Variants in ATXN7L1 observed in about 807,000 individuals in gnomAD.
The protein encoded by ATXN7L1 is ataxin-7-like protein 1.
A neutral mutation model predicts 70.8 loss-of-function variants in ATXN7L1; 15 were observed. That is an observed-to-expected ratio of 0.21 (90% CI 0.14 to 0.33). The LOEUF is 0.33. Among genes scored for constraint, ATXN7L1 ranks in the 10% least tolerant of loss-of-function variants. ATXN7L1 has a pLI of 1.00. For synonymous variants in ATXN7L1, 440 were observed against 445.1 expected (o/e 0.99, Z 0.14); for missense variants, 975 against 1,097.1 (o/e 0.89, Z 1.57).
chr7:105,636,454 C>G (rs1188156162), intron 7 of ATXN7L1, among the ~76,000 whole-genome samples: 2 of 150,624 alleles, frequency 1.3e-5, no homozygotes, highest in African/African-American at 2.4e-5. Flanking sequence ...TCTGCCCCCC[C>G]CACCCCCACT....
intron 3 of ATXN7L1, among the ~76,000 whole-genome samples, chr7:105,750,354 G>A (rs1323449624): frequency 6.6e-6 from 1 of 150,922 alleles, no homozygotes; most frequent in Non-Finnish European, 1.5e-5. Flanking sequence ...TCAGCTCACT[G>A]CAGCCTTGAC....
At chr7:105,658,523 C>CTTT (rs36163594) in intron 4 of ATXN7L1, among the ~76,000 whole-genome samples, 22 of 107,384 alleles carry the variant, frequency 2.0e-4, no homozygotes, top group East Asian at 3.0e-4. Context: ...TGGCACATAA[C>CTTT]TTTTTTTTTT....
rs577530574 is a variant in ATXN7L1, at chr7:105,751,647, A to G, written c.355+36957T>C. Among the ~76,000 whole-genome samples, 3 of 152,314 alleles carry G rather than the reference A, an allele frequency of 2.0e-5. No homozygotes were observed. In the South Asian group the frequency reaches 6.2e-4, roughly 32 times the overall value. On this transcript the variant is annotated intron_variant, in intron 3 of 11. Transcript: ENST00000419735. Reference sequence around the variant, plus strand: ...TGAGATCCTGTCTCAAAGAAAAAAAAAAAGTCTCACCTTCAGATTGGTCAT... The same window carrying G: ...TGAGATCCTGTCTCAAAGAAAAAAAGAAAGTCTCACCTTCAGATTGGTCAT...
chr7:105,835,503 G>A (rs1421622738), intron 2 of ATXN7L1, among the ~76,000 whole-genome samples: 1 of 151,848 alleles, frequency 6.6e-6, no homozygotes, highest in South Asian at 2.1e-4. Context: ...AGGGGCCCAA[G>A]TTGGTGGGTT....
intron 3 of ATXN7L1, among the ~76,000 whole-genome samples, chr7:105,765,731 G>T (rs1037984289): frequency 6.6e-6 from 1 of 152,194 alleles, no homozygotes; most frequent in Admixed American, 6.5e-5. Flanking sequence ...CAATACCATA[G>T]ATAATGAAGA....
chr7:105,628,585 C>G (rs1037921228), intron 7 of ATXN7L1, among the ~76,000 whole-genome samples: 3 of 151,542 alleles, frequency 2.0e-5, no homozygotes, highest in East Asian at 2.0e-4. Context: ...GTCAGGAGAT[C>G]GAGACCATCC....
intron 5 of ATXN7L1, among the ~76,000 whole-genome samples, chr7:105,642,625 C>G (rs1798437456): frequency 6.6e-6 from 1 of 152,260 alleles, no homozygotes; most frequent in Non-Finnish European, 1.5e-5. Flanking sequence ...CCGCTAAGCA[C>G]TGAACTGAGT....
At chr7:105,854,533 A>G (rs1815425455) in intron 2 of ATXN7L1, among the ~76,000 whole-genome samples, 2 of 1,116 alleles carry the variant, frequency 1.8e-3, no homozygotes, top group Non-Finnish European at 3.4e-3. Flanking sequence ...TATAGAGGAA[A>G]AAAAAAAAAA....
intron 2 of ATXN7L1, among the ~76,000 whole-genome samples, chr7:105,829,373 G>T (rs927213955): frequency 6.6e-6 from 1 of 152,226 alleles, no homozygotes; most frequent in Non-Finnish European, 1.5e-5. Context: ...AACCTGGGAA[G>T]TGGAGGTTGC....
intron 3 of ATXN7L1, among the ~76,000 whole-genome samples, chr7:105,706,307 C>T (rs927112266): frequency 6.6e-5 from 10 of 151,966 alleles, no homozygotes; most frequent in African/African-American, 2.4e-4. Context: ...GATTCTCCTG[C>T]CTCAGCCTCT....
chr7:105,713,283 C>T (rs892933876), intron 3 of ATXN7L1, among the ~76,000 whole-genome samples: 1 of 152,148 alleles, frequency 6.6e-6, no homozygotes, highest in Non-Finnish European at 1.5e-5. Flanking sequence ...TCAGATGGGG[C>T]CTGGTGATGA....
At chr7:105,753,052 T>G (rs1799391502) in intron 3 of ATXN7L1, among the ~76,000 whole-genome samples, 1 of 152,240 alleles carries the variant, frequency 6.6e-6, no homozygotes, top group African/African-American at 2.4e-5. Context: ...CACAGCCAAG[T>G]GGTCAGTGAA....
intron 7 of ATXN7L1, 126 bp from the exon 8 acceptor site, chr7:105,624,393 T>C: frequency 6.1e-6 from 6 of 975,960 alleles, no homozygotes; most frequent in Non-Finnish European, 8.1e-6. Flanking sequence ...GGCTCACGCC[T>C]GTAATCCCGG....
chr7:105,614,966 T>G lies in ATXN7L1; in HGVS notation c.1518-150A>C. Reference sequence around the variant, plus strand: ...TGGAGCCTTGAAGGATGGGAGAATCTGAAGCATGGCCCCTCCTTATGGCAC... The same window carrying G: ...TGGAGCCTTGAAGGATGGGAGAATCGGAAGCATGGCCCCTCCTTATGGCAC... On this transcript the variant is annotated intron_variant, in intron 9 of 11. Coordinates refer to ENST00000419735, the MANE Select transcript of ATXN7L1 (RefSeq NM_020725.2). The surrounding 1 kb of genome is among the most constrained non-coding windows in gnomAD (Gnocchi z 4.3). 1 of 949,270 alleles carries G rather than the reference T, an allele frequency of 1.1e-6. No homozygotes were observed. The allele number at this position is 949,270 out of a possible 1,614,324, so 58.8% of individuals were successfully genotyped here.
At chr7:105,854,719 C>T (rs1229208139) in intron 2 of ATXN7L1, among the ~76,000 whole-genome samples, 3 of 152,148 alleles carry the variant, frequency 2.0e-5, no homozygotes, top group Non-Finnish European at 4.4e-5. Flanking sequence ...ATTTTTGGCA[C>T]TAAAAGCTGA....
At chr7:105,796,305 T>C (rs894589645) in intron 2 of ATXN7L1, among the ~76,000 whole-genome samples, 2 of 152,136 alleles carry the variant, frequency 1.3e-5, no homozygotes, top group African/African-American at 4.8e-5. Context: ...GAGCTTGCAG[T>C]GAACAGAGAT....
intron 4 of ATXN7L1, among the ~76,000 whole-genome samples, chr7:105,660,909 C>A (rs868157121): frequency 1.3e-5 from 2 of 152,300 alleles, no homozygotes; most frequent in South Asian, 4.2e-4. Flanking sequence ...AAAACCCTTT[C>A]TGAGTCCTCA....
intron 2 of ATXN7L1, among the ~76,000 whole-genome samples, chr7:105,804,721 A>G (rs1807310851): frequency 6.6e-6 from 1 of 152,192 alleles, no homozygotes; most frequent in African/African-American, 2.4e-5. Context: ...AGTGCTGTTC[A>G]TTGATTGTTT....
chr7:105,614,265 T>G lies in ATXN7L1; in HGVS notation c.2069A>C (p.Gln690Pro). ...CAGGCTGTTATAGGGAGGGGCCGCC[T>G]GATAGGAGTTCAAAGCAGAACTGGC... ...LNASSALNSY[Q>P]AAPPYNSLSV... Residue 690 changes from glutamine (Q) to proline (P), a missense_variant, in exon 10 of 12, where the codon CAG becomes CCG. Transcript: ENST00000419735. This position sits in a 1 kb window ranked among gnomAD's most constrained non-coding sequence, Gnocchi z 4.3. 6.4e-7 allele frequency: 1 copy of G among 1,551,760 alleles called. No homozygotes were observed. The highest frequency in any genetic ancestry group is 8.7e-7 in the Non-Finnish European group (1 of 1,147,018).
Sources: gnomAD v4.1 joint callset for allele counts (sites outside exome capture counted in the v4.1 genomes callset) on GRCh38, gnomAD v4.1.1 for gene constraint, Gnocchi (gnomAD v3.1) non-coding constraint, MANE v1.5 for transcripts, NCBI Gene and HGNC (gene_info 2026-07-23, HGNC 2026-07-21) for gene names.